KCND3: variants seen among roughly 807,000 people sequenced by gnomAD.
KCND3 encodes the protein potassium voltage-gated channel subfamily D member 3.
KCND3 carries 9 observed loss-of-function variants against 51.1 expected under a neutral mutation model. The observed-to-expected ratio is 0.18, with a 90% CI of 0.11 to 0.31. The LOEUF (loss-of-function observed/expected upper bound fraction) is 0.31, where lower values mean the gene tolerates loss of function less well. KCND3 is among the 10% of genes least tolerant of loss of function. The pLI, the probability that KCND3 is intolerant of heterozygous loss-of-function variation, is 1.00. For missense variants in KCND3, 526 were observed against 903.8 expected, an observed-to-expected ratio of 0.58 and a Z score of 5.36; for synonymous variants, 349 against 368.0, an observed-to-expected ratio of 0.95 and a Z score of 0.59.
chr1:111,912,507 G>T (rs1671005739), intron 2 of KCND3, among the ~76,000 whole-genome samples: 1 of 151,920 alleles, frequency 6.6e-6, no homozygotes, highest in African/African-American at 2.4e-5. Flanking sequence ...CTCCTATGTA[G>T]AAAAAAAAGA....
Position 111,790,097 on chromosome 1 carries a change from G to A in KCND3, c.1107-2991C>T, listed in dbSNP as rs568611379. On this transcript the variant is annotated intron_variant, in intron 2 of 7. Coordinates refer to ENST00000302127, the MANE Select transcript of KCND3 (RefSeq NM_001378969.1). ...AGTTAGGTCTCCAGTGGTATGTTCC[G>A]GAATTTTTCAACAACTTATAAAAGC... 9.2e-5 allele frequency among the ~76,000 whole-genome samples: 14 copies of A among 152,276 alleles called. No homozygotes were observed. In the South Asian group the frequency reaches 2.5e-3, roughly 27 times the overall value.
At chr1:111,783,489 C>G (rs1333412765) in intron 3 of KCND3, among the ~76,000 whole-genome samples, 1 of 152,190 alleles carries the variant, frequency 6.6e-6, no homozygotes, top group African/African-American at 2.4e-5. Context: ...CATCTATGTT[C>G]AAGCCAATAC....
intron 2 of KCND3, among the ~76,000 whole-genome samples, chr1:111,824,954 G>C (rs985449676): frequency 6.6e-6 from 1 of 152,132 alleles, no homozygotes; most frequent in Non-Finnish European, 1.5e-5. Flanking sequence ...GGCAGCACTT[G>C]TTGTCTCAGT....
At chr1:111,865,675 T>C (rs1046089850) in intron 2 of KCND3, among the ~76,000 whole-genome samples, 2 of 152,170 alleles carry the variant, frequency 1.3e-5, no homozygotes, top group Non-Finnish European at 2.9e-5. Context: ...CTGGAATCCT[T>C]TTTTTGGGGT....
intron 2 of KCND3, among the ~76,000 whole-genome samples, chr1:111,826,530 A>G (rs912064749): frequency 6.6e-6 from 1 of 152,144 alleles, no homozygotes. Context: ...CCATGAACAT[A>G]CAAAGACATG....
At chr1:111,791,599 G>A (rs755010354) in intron 2 of KCND3, among the ~76,000 whole-genome samples, 2 of 152,148 alleles carry the variant, frequency 1.3e-5, no homozygotes, top group Non-Finnish European at 2.9e-5. Flanking sequence ...TACTGTTTTC[G>A]TTTAACCTTT....
chr1:111,855,529 G>T (rs1668026131), intron 2 of KCND3, among the ~76,000 whole-genome samples: 1 of 152,198 alleles, frequency 6.6e-6, no homozygotes, highest in South Asian at 2.1e-4. Context: ...AGGCTGTGGA[G>T]GGGATCTTCC....
intron 2 of KCND3, among the ~76,000 whole-genome samples, chr1:111,798,706 G>T (rs757644228): frequency 2.0e-5 from 3 of 151,418 alleles, no homozygotes; most frequent in Non-Finnish European, 4.4e-5. Context: ...AACCATGCCT[G>T]GCACAGGATG....
Position 111,982,829 on chromosome 1 carries a change from G to T in KCND3, c.-72-31C>A. ...AGACAGGAGGGGAGAGAGAGAAGCG[G>T]TGAGTCCATATCGACTGGCAGGTAA... On this transcript the variant is annotated intron_variant, in intron 1 of 7. Coordinates refer to ENST00000302127, the MANE Select transcript of KCND3 (RefSeq NM_001378969.1). The surrounding 1 kb of genome is among the most constrained non-coding windows in gnomAD (Gnocchi z 8.5). 1 of 1,473,942 alleles carries T rather than the reference G, an allele frequency of 6.8e-7. No homozygotes were observed. Among genetic ancestry groups the T allele is most frequent in the Non-Finnish European group, 9.2e-7 (1 of 1,092,650 alleles). 91.3% of individuals were successfully genotyped at this position (1,473,942 alleles called of 1,614,324 possible).
chr1:111,877,403 C>A (rs1371599918), intron 2 of KCND3, among the ~76,000 whole-genome samples: 1 of 152,180 alleles, frequency 6.6e-6, no homozygotes, highest in Non-Finnish European at 1.5e-5. Context: ...TAGAAGGTGG[C>A]AGGGGGTGCC....
chr1:111,811,555 C>T (rs1358739527), intron 2 of KCND3, among the ~76,000 whole-genome samples: 1 of 152,016 alleles, frequency 6.6e-6, no homozygotes, highest in Non-Finnish European at 1.5e-5. Flanking sequence ...CAGGGTGAGT[C>T]GATCTTTAAG....
chr1:111,814,491 A>G (rs970080650), intron 2 of KCND3, among the ~76,000 whole-genome samples: 5 of 152,282 alleles, frequency 3.3e-5, no homozygotes, highest in Non-Finnish European at 2.9e-5. Context: ...CTGTGTCGAC[A>G]TAACTTAGCA....
At chr1:111,945,386 G>A (rs779895265) in intron 2 of KCND3, among the ~76,000 whole-genome samples, 1 of 152,260 alleles carries the variant, frequency 6.6e-6, no homozygotes, top group South Asian at 2.1e-4. Context: ...AATCCCATGG[G>A]CCCTTCTATG....
chr1:111,863,262 T>C (rs992187546), intron 2 of KCND3, among the ~76,000 whole-genome samples: 4 of 152,164 alleles, frequency 2.6e-5, no homozygotes, highest in African/African-American at 9.7e-5. Flanking sequence ...TAAAAGTTCA[T>C]TCTTTCATCA....
chr1:111,918,283 C>T (rs916433742), intron 2 of KCND3, among the ~76,000 whole-genome samples: 1 of 152,186 alleles, frequency 6.6e-6, no homozygotes, highest in Non-Finnish European at 1.5e-5. Context: ...AAAAGGAAGA[C>T]CTGAGCAAAC....
At chr1:111,962,184 A>G (rs534150141) in intron 2 of KCND3, among the ~76,000 whole-genome samples, 2 of 152,330 alleles carry the variant, frequency 1.3e-5, no homozygotes, top group East Asian at 3.9e-4. Flanking sequence ...TTGCCAGAAA[A>G]AGAAAGTGAG....
intron 3 of KCND3, among the ~76,000 whole-genome samples, chr1:111,781,848 T>C (rs1664403414): frequency 6.6e-6 from 1 of 152,176 alleles, no homozygotes; most frequent in African/African-American, 2.4e-5. Context: ...ACTGTAATCA[T>C]TGTCACTATG....
chr1:111,831,919 A>G (rs1666849548), intron 2 of KCND3, among the ~76,000 whole-genome samples: 1 of 152,248 alleles, frequency 6.6e-6, no homozygotes. Flanking sequence ...CTCCCAGAGC[A>G]CAGGGATTAG....
intron 2 of KCND3, among the ~76,000 whole-genome samples, chr1:111,851,316 T>C (rs1306989027): frequency 6.6e-6 from 1 of 152,196 alleles, no homozygotes; most frequent in East Asian, 1.9e-4. Flanking sequence ...ATCTAACACA[T>C]GTGGTAGGTG....
Sources: allele counts gnomAD v4.1 joint callset (sites outside exome capture counted in the v4.1 genomes callset), GRCh38; gene constraint gnomAD v4.1.1; non-coding constraint Gnocchi (gnomAD v3.1); transcripts MANE v1.5; gene names NCBI Gene and HGNC (gene_info 2026-07-23, HGNC 2026-07-21).